The following FOXP1 variants were observed in gnomAD, a reference collection of about 807,000 sequenced individuals.
FOXP1 encodes forkhead box P1.
In FOXP1, 15 loss-of-function variants were observed where a neutral mutation model predicts 98.2. That is an observed-to-expected ratio of 0.15 (90% CI 0.10 to 0.24). The LOEUF is 0.24. FOXP1 is among the 10% of genes least tolerant of loss of function. FOXP1 has a pLI of 1.00. For missense variants in FOXP1, 633 were observed against 848.5 expected, an observed-to-expected ratio of 0.75 and a Z score of 3.15; for synonymous variants, 371 against 314.5, an observed-to-expected ratio of 1.18 and a Z score of -1.90.
intron 4 of FOXP1, among the ~76,000 whole-genome samples, chr3:71,329,231 CT>C (rs937802649): frequency 1.3e-5 from 2 of 150,226 alleles, no homozygotes; most frequent in African/African-American, 2.4e-5. Context: ...TTTTCTTTTT[CT>C]TTTTTTTGAG....
At position 71,322,972 on chromosome 3, in the gene FOXP1, CT is replaced by C. The variant is rs879670656; in HGVS notation, c.-72-23093del. Among the ~76,000 whole-genome samples the C allele has an allele frequency of 6.1e-3, 849 of 139,886 alleles. 2 individuals are homozygous for C. Among genetic ancestry groups the C allele is most frequent in the African/African-American group, 0.013 (512 of 38,660 alleles). 91.8% of individuals were successfully genotyped at this position (139,886 alleles called of 152,430 possible). On this transcript the variant is annotated intron_variant, in intron 4 of 20. Coordinates refer to ENST00000649528, the MANE Select transcript of FOXP1 (RefSeq NM_001349338.3). Reference sequence around the variant, plus strand: ...CTGGGCACAGGGCCCAAGCTCGGTACTTTTTTTTTTTTTTTTGAGATGGAGT... The same window carrying C: ...CTGGGCACAGGGCCCAAGCTCGGTACTTTTTTTTTTTTTTTGAGATGGAGT...
chr3:71,480,180 C>T (rs2090164823), intron 3 of FOXP1, among the ~76,000 whole-genome samples: 1 of 152,128 alleles, frequency 6.6e-6, no homozygotes, highest in Non-Finnish European at 1.5e-5. Context: ...CAAAGCAAGA[C>T]TCTGTCTCAA....
In FOXP1 at chr3:70,977,954, T is replaced by C. The variant is rs1432237560; in HGVS notation, c.1222A>G (p.Thr408Ala). The change falls in exon 15 of 21, where the codon ACG becomes GCG. Residue 408 changes from threonine to alanine, a missense_variant. Coordinates refer to ENST00000649528, the MANE Select transcript of FOXP1 (RefSeq NM_001349338.3). ...GGAGTCAGGGGGGCGGTTGGGGTCG[T>C]TGGAGTATGAGGTAAGCTCTGTGGA... ...ASPQSLPHTP[T>A]TPTAPLTPVT... 5.0e-6 allele frequency: 8 copies of C among 1,614,062 alleles called. No homozygotes were observed. The highest frequency in any genetic ancestry group is 4.5e-5 in the East Asian group (2 of 44,882).
At chr3:71,342,928 T>A (rs1003147977) in intron 4 of FOXP1, among the ~76,000 whole-genome samples, 3 of 152,224 alleles carry the variant, frequency 2.0e-5, no homozygotes, top group Non-Finnish European at 4.4e-5. Flanking sequence ...TTGGGTTACT[T>A]CTTCTGTAAC....
intron 3 of FOXP1, among the ~76,000 whole-genome samples, chr3:71,371,479 C>A (rs866952784): frequency 6.6e-6 from 1 of 152,198 alleles, no homozygotes; most frequent in Admixed American, 6.5e-5. Flanking sequence ...CCAACTGCTT[C>A]GCATCCATTT....
chr3:71,064,798 G>T (rs888189390), intron 7 of FOXP1: 3 of 984,846 alleles, frequency 3.0e-6, no homozygotes, highest in African/African-American at 1.7e-5. Context: ...GAGCGAAACC[G>T]GCAAAGATCA....
chr3:70,978,749 T>C (rs1002639683), intron 14 of FOXP1, among the ~76,000 whole-genome samples: 6 of 152,204 alleles, frequency 3.9e-5, no homozygotes, highest in Non-Finnish European at 7.4e-5. Context: ...AATCAATCAG[T>C]TGGCAGAAAA....
intron 3 of FOXP1, among the ~76,000 whole-genome samples, chr3:71,381,838 T>C (rs1359283528): frequency 1.3e-5 from 2 of 152,166 alleles, no homozygotes; most frequent in Non-Finnish European, 2.9e-5. Flanking sequence ...CAACACTTAT[T>C]TGTTACGTAT....
At chr3:71,466,818 T>C (rs1560525633) in intron 3 of FOXP1, among the ~76,000 whole-genome samples, 1 of 152,214 alleles carries the variant, frequency 6.6e-6, no homozygotes, top group Non-Finnish European at 1.5e-5. Flanking sequence ...ACCATATAGT[T>C]CTACATGAGA....
intron 4 of FOXP1, among the ~76,000 whole-genome samples, chr3:71,315,740 C>T (rs2075039075): frequency 6.6e-6 from 1 of 152,120 alleles, no homozygotes; most frequent in Admixed American, 6.6e-5. Flanking sequence ...CTGGGAACAT[C>T]AGTCATGTTA....
chr3:71,555,468 A>C (rs2046058876), intron 2 of FOXP1, among the ~76,000 whole-genome samples: 1 of 152,264 alleles, frequency 6.6e-6, no homozygotes, highest in African/African-American at 2.4e-5. Flanking sequence ...CCTTGTAATA[A>C]TACTTTAGCA....
intron 6 of FOXP1, among the ~76,000 whole-genome samples, chr3:71,162,946 T>C (rs921866045): frequency 6.6e-6 from 1 of 152,174 alleles, no homozygotes; most frequent in African/African-American, 2.4e-5. Flanking sequence ...AGTACCATCA[T>C]ATGTCTTTCC....
At chr3:71,535,148 G>A (rs2044186741) in intron 2 of FOXP1, among the ~76,000 whole-genome samples, 1 of 152,076 alleles carries the variant, frequency 6.6e-6, no homozygotes. Context: ...TCCTTTAGTG[G>A]GTCTTTGATC....
At chr3:71,507,030 C>T (rs2041874602) in intron 2 of FOXP1, among the ~76,000 whole-genome samples, 1 of 152,186 alleles carries the variant, frequency 6.6e-6, no homozygotes, top group Non-Finnish European at 1.5e-5. Context: ...TTTGCTTGGA[C>T]CACACAACTA....
At chr3:71,516,442 A>C (rs2042586522) in intron 2 of FOXP1, among the ~76,000 whole-genome samples, 1 of 152,236 alleles carries the variant, frequency 6.6e-6, no homozygotes, top group Non-Finnish European at 1.5e-5. Flanking sequence ...TTAAGTTTGC[A>C]ATTATACCAA....
chr3:71,561,297 C>G (rs991578476), intron 2 of FOXP1, among the ~76,000 whole-genome samples: 29 of 151,478 alleles, frequency 1.9e-4, no homozygotes, highest in African/African-American at 6.8e-4. Flanking sequence ...CTCAGGTGAT[C>G]TGCCCACCAA....
chr3:71,029,651 A>C (rs1226544872), intron 11 of FOXP1, among the ~76,000 whole-genome samples: 1 of 152,148 alleles, frequency 6.6e-6, no homozygotes, highest in Non-Finnish European at 1.5e-5. Flanking sequence ...TCGGCCTCCC[A>C]AAGTGCTGGG....
At chr3:71,401,375 A>C (rs1306287714) in intron 3 of FOXP1, among the ~76,000 whole-genome samples, 1 of 152,156 alleles carries the variant, frequency 6.6e-6, no homozygotes, top group Non-Finnish European at 1.5e-5. Context: ...CTGCCAGGGG[A>C]GGGTATCAAT....
intron 7 of FOXP1, among the ~76,000 whole-genome samples, chr3:71,111,872 T>C (rs1161685307): frequency 6.6e-6 from 1 of 152,140 alleles, no homozygotes; most frequent in East Asian, 1.9e-4. Flanking sequence ...ACTGAAGAAT[T>C]GGGTATATAT....
Sources: allele counts gnomAD v4.1 joint callset (sites outside exome capture counted in the v4.1 genomes callset), GRCh38; gene constraint gnomAD v4.1.1; transcripts MANE v1.5; gene names NCBI Gene and HGNC (gene_info 2026-07-23, HGNC 2026-07-21).